Variants in GRIP1 observed in about 807,000 individuals in gnomAD.
GRIP1 encodes glutamate receptor interacting protein 1.
Under a neutral mutation model 129.9 loss-of-function variants are expected in GRIP1, and 45 were observed. The ratio of observed to expected loss-of-function variants is 0.35; its 90% CI spans 0.27 to 0.44. GRIP1 has a LOEUF of 0.44. Ranked by LOEUF, GRIP1 falls within the 20% of genes least tolerant of loss-of-function variation. The pLI, the probability that GRIP1 is intolerant of heterozygous loss-of-function variation, is 1.00. For synonymous variants in GRIP1, 530 were observed against 520.8 expected, an observed-to-expected ratio of 1.02 and a Z score of -0.24; for missense variants, 1,196 against 1,396.8, an observed-to-expected ratio of 0.86 and a Z score of 2.29.
At chr12:66,530,838 T>C (rs1015790105) in intron 4 of GRIP1, among the ~76,000 whole-genome samples, 2 of 152,024 alleles carry the variant, frequency 1.3e-5, no homozygotes, top group African/African-American at 2.4e-5. Flanking sequence ...TAGATCTTTA[T>C]TTTGAATTTG....
intron 7 of GRIP1, among the ~76,000 whole-genome samples, chr12:66,506,557 G>A (rs1038730656): frequency 3.3e-5 from 5 of 152,122 alleles, no homozygotes; most frequent in East Asian, 1.9e-4. Context: ...ACACAATGGG[G>A]CTTTTGGTGA....
chr12:66,525,773 TAGA>T (rs1404298380), intron 5 of GRIP1, among the ~76,000 whole-genome samples: 1 of 152,174 alleles, frequency 6.6e-6, no homozygotes, highest in Non-Finnish European at 1.5e-5. Flanking sequence ...ATTGTATATC[TAGA>T]AAACCCCATC....
intron 1 of GRIP1, among the ~76,000 whole-genome samples, chr12:66,613,753 G>A (rs1285778937): frequency 6.6e-6 from 1 of 152,134 alleles, no homozygotes; most frequent in Non-Finnish European, 1.5e-5. Flanking sequence ...AAATCGATTT[G>A]TTCTTTCCCT....
At chr12:66,671,239 A>G (rs975312648) in intron 1 of GRIP1, among the ~76,000 whole-genome samples, 1 of 152,138 alleles carries the variant, frequency 6.6e-6, no homozygotes, top group Admixed American at 6.5e-5. Context: ...AAGTTTGATT[A>G]ATTTCCTTAA....
intron 1 of GRIP1, among the ~76,000 whole-genome samples, chr12:66,895,727 ATG>A (rs1227684777): frequency 1.3e-5 from 2 of 152,220 alleles, no homozygotes; most frequent in African/African-American, 2.4e-5. Flanking sequence ...CCTGCAGTTA[ATG>A]TAACCAGTGG....
chr12:66,747,119 A>G (rs933296356), intron 1 of GRIP1, among the ~76,000 whole-genome samples: 1 of 152,196 alleles, frequency 6.6e-6, no homozygotes, highest in Non-Finnish European at 1.5e-5. Flanking sequence ...AAAAGAGCCT[A>G]TTTAGTTGGA....
At chr12:66,985,908 C>G (rs1330068182) in intron 1 of GRIP1, among the ~76,000 whole-genome samples, 1 of 152,166 alleles carries the variant, frequency 6.6e-6, no homozygotes, top group Non-Finnish European at 1.5e-5. Context: ...TGATTTCATT[C>G]TGATTAAAAG....
chr12:66,846,501 A>T (rs1252172614), intron 1 of GRIP1, among the ~76,000 whole-genome samples: 1 of 152,222 alleles, frequency 6.6e-6, no homozygotes, highest in African/African-American at 2.4e-5. Flanking sequence ...AACCTGGTCC[A>T]GCATTGTTTT....
chr12:66,602,292 C>T lies in GRIP1; in HGVS notation c.56-5365G>A, dbSNP rs149637458. Among the ~76,000 whole-genome samples the T allele has an allele frequency of 8.4e-3, 1,275 of 152,234 alleles. 17 individuals carry two copies. Among genetic ancestry groups the T allele is most frequent in the African/African-American group, 0.029 (1,206 of 41,546 alleles). ...TTGACAGCACACTTTGAAATTTAAG[C>T]AAGATTTCCTGAAGGATAACTGTTA... On this transcript the variant is annotated intron_variant, in intron 1 of 24. Transcript: ENST00000359742.
chr12:66,412,640 C>A (rs114029390), intron 15 of GRIP1, among the ~76,000 whole-genome samples: 6,392 of 152,162 alleles, frequency 0.042, 444 homozygotes, highest in African/African-American at 0.15. Context: ...CAACACTAAA[C>A]TTAAATGTAA....
chr12:66,401,445 G>A (rs1197007299), intron 16 of GRIP1, among the ~76,000 whole-genome samples: 2 of 151,772 alleles, frequency 1.3e-5, no homozygotes, highest in Admixed American at 1.3e-4. Context: ...TGGGCATGGT[G>A]GTGGACACCT....
chr12:66,605,351 A>C (rs1397300260), intron 1 of GRIP1, among the ~76,000 whole-genome samples: 1 of 152,176 alleles, frequency 6.6e-6, no homozygotes, highest in Non-Finnish European at 1.5e-5. Context: ...CTGTTAAATC[A>C]GGGCTCTCAA....
intron 1 of GRIP1, among the ~76,000 whole-genome samples, chr12:66,656,941 T>C (rs1393840794): frequency 6.6e-6 from 1 of 152,140 alleles, no homozygotes; most frequent in Non-Finnish European, 1.5e-5. Flanking sequence ...CCTGGAAACC[T>C]TGCTAATCTC....
chr12:66,355,479 G>GT (rs2054443223), intron 23 of GRIP1, among the ~76,000 whole-genome samples: 1 of 152,182 alleles, frequency 6.6e-6, no homozygotes, highest in South Asian at 2.1e-4. Flanking sequence ...GGATAGAGTA[G>GT]TAAGCCCCAC....
At chr12:66,556,406 C>A (rs1410977322) in intron 2 of GRIP1, among the ~76,000 whole-genome samples, 1 of 152,054 alleles carries the variant, frequency 6.6e-6, no homozygotes, top group South Asian at 2.1e-4. Flanking sequence ...GAGCACCAGA[C>A]CTGTCCTACA....
chr12:67,018,645 T>C lies in GRIP1; in HGVS notation c.58+50405A>G, dbSNP rs535580182. On this transcript the variant is annotated intron_variant, in intron 1 of 1. Transcript: ENST00000643019. ...CCAGGCAGAAACCAGAAGTCCATAG[T>C]TGGCTTTCAAACTGTGGTCCACAGA... 9.9e-5 allele frequency among the ~76,000 whole-genome samples: 15 copies of C among 152,242 alleles called. No homozygotes were observed. The South Asian group carries it at 2.7e-3, about 27-fold the overall frequency.
At chr12:66,731,400 G>C (rs541694428) in intron 1 of GRIP1, among the ~76,000 whole-genome samples, 1 of 152,112 alleles carries the variant, frequency 6.6e-6, no homozygotes, top group Non-Finnish European at 1.5e-5. Context: ...TAGGGACTGT[G>C]GGATGAAGGT....
At chr12:66,381,377 T>A (rs1159616178) in intron 19 of GRIP1, among the ~76,000 whole-genome samples, 1 of 152,240 alleles carries the variant, frequency 6.6e-6, no homozygotes, top group Admixed American at 6.5e-5. Context: ...GGGAACTAAG[T>A]AGCTGTGAAT....
Position 66,348,086 on chromosome 12 carries a change from C to A in GRIP1, c.*933G>T, listed in dbSNP as rs987862251. The A allele has an allele frequency of 6.6e-6, 1 of 152,124 alleles. No homozygotes were observed. The highest frequency in any genetic ancestry group is 6.5e-5 in the Admixed American group (1 of 15,274). The allele number at this position is 152,124 out of a possible 1,614,324, so 9.4% of individuals were successfully genotyped here. The stretch of plus-strand genomic sequence containing the variant: ...TACAATTTCGGTAAGTGGCATGGCT[C>A]AGAGCAAAAGATAGTCCAGTGTCAT... On this transcript the variant is annotated 3_prime_UTR_variant, in exon 25 of 25. Transcript: ENST00000359742.
Sources: allele counts gnomAD v4.1 joint callset (sites outside exome capture counted in the v4.1 genomes callset), GRCh38; gene constraint gnomAD v4.1.1; transcripts MANE v1.5; gene names NCBI Gene and HGNC (gene_info 2026-07-23, HGNC 2026-07-21).